The following GPR158 variants were observed in gnomAD, a reference collection of about 807,000 sequenced individuals.
GPR158 encodes metabotropic glycine receptor.
GPR158 carries 30 observed loss-of-function variants against 78.2 expected under a neutral mutation model. That is an observed-to-expected ratio of 0.38 (90% CI 0.29 to 0.52). The LOEUF (loss-of-function observed/expected upper bound fraction) is 0.52, where lower values mean the gene tolerates loss of function less well. Ranked by LOEUF, GPR158 falls within the 20% of genes least tolerant of loss-of-function variation. GPR158 has a pLI of 0.83. For synonymous variants in GPR158, 581 were observed against 591.1 expected, an observed-to-expected ratio of 0.98 and a Z score of 0.25; for missense variants, 1,463 against 1,523.5, an observed-to-expected ratio of 0.96 and a Z score of 0.66.
At chr10:25,285,528 T>TG (rs375803835) in intron 2 of GPR158, among the ~76,000 whole-genome samples, 2 of 152,292 alleles carry the variant, frequency 1.3e-5, no homozygotes, top group African/African-American at 4.8e-5. Context: ...GTCAAAAGCC[T>TG]GGGGAACTTG....
chr10:25,237,615 G>A (rs557152798), intron 2 of GPR158, among the ~76,000 whole-genome samples: 215 of 152,120 alleles, frequency 1.4e-3, no homozygotes, highest in Non-Finnish European at 2.2e-3. Flanking sequence ...ATTGACTAGT[G>A]ATTATTCTCA....
intron 2 of GPR158, among the ~76,000 whole-genome samples, chr10:25,374,843 A>G (rs1211561159): frequency 6.6e-6 from 1 of 151,752 alleles, no homozygotes; most frequent in African/African-American, 2.4e-5. Context: ...CTTAAAAATA[A>G]AGCCAAACAC....
At chr10:25,356,605 G>A (rs1429825101) in intron 2 of GPR158, among the ~76,000 whole-genome samples, 9 of 151,822 alleles carry the variant, frequency 5.9e-5, no homozygotes, top group Non-Finnish European at 1.0e-4. Flanking sequence ...TTTAAAAATG[G>A]GAGTTTCCCT....
At chr10:25,201,382 T>G (rs1054042510) in intron 1 of GPR158, among the ~76,000 whole-genome samples, 8 of 152,186 alleles carry the variant, frequency 5.3e-5, no homozygotes, top group Non-Finnish European at 8.8e-5. Flanking sequence ...TGTTTCTCAG[T>G]TCTAGGAGCT....
At chr10:25,590,489 C>T (rs552994781) in intron 8 of GPR158, among the ~76,000 whole-genome samples, 1 of 152,290 alleles carries the variant, frequency 6.6e-6, no homozygotes, top group South Asian at 2.1e-4. Context: ...ATATCTTGAG[C>T]ACCATAGAAT....
intron 2 of GPR158, among the ~76,000 whole-genome samples, chr10:25,363,092 A>T (rs567337058): frequency 6.6e-6 from 1 of 151,594 alleles, no homozygotes; most frequent in East Asian, 2.0e-4. Flanking sequence ...ATCAAGAATC[A>T]ATCTGTGATT....
intron 4 of GPR158, among the ~76,000 whole-genome samples, chr10:25,456,907 T>C (rs1835298302): frequency 6.6e-6 from 1 of 152,132 alleles, no homozygotes. Context: ...AGAGTTTAAT[T>C]ATTAAGATTT....
At chr10:25,351,084 G>A (rs910617152) in intron 2 of GPR158, among the ~76,000 whole-genome samples, 7 of 152,076 alleles carry the variant, frequency 4.6e-5, no homozygotes, top group African/African-American at 1.7e-4. Flanking sequence ...CACCTATACA[G>A]CCTGTGAGCC....
intron 5 of GPR158, among the ~76,000 whole-genome samples, chr10:25,529,346 C>T (rs896149650): frequency 5.9e-5 from 9 of 152,050 alleles, no homozygotes; most frequent in African/African-American, 1.9e-4. Flanking sequence ...GAGATTGCAC[C>T]ATTGCACTCC....
chr10:25,208,352 G>A (rs189840365), intron 1 of GPR158, among the ~76,000 whole-genome samples: 3 of 152,112 alleles, frequency 2.0e-5, no homozygotes, highest in Non-Finnish European at 2.9e-5. Context: ...TACCTACAGC[G>A]TTATAATTGA....
intron 3 of GPR158, 72 bp downstream of exon 3, chr10:25,396,085 T>C (rs1834359489): frequency 1.5e-6 from 1 of 680,050 alleles, no homozygotes; most frequent in Non-Finnish European, 2.5e-6. Context: ...AGATTTTCTT[T>C]TATCCTTGTT....
chr10:25,479,825 CTGTTA>C (rs1564467034), intron 5 of GPR158, among the ~76,000 whole-genome samples: 1 of 151,650 alleles, frequency 6.6e-6, no homozygotes, highest in Non-Finnish European at 1.5e-5. Context: ...TTATTTTTTT[CTGTTA>C]TATTTCTCCT....
intron 2 of GPR158, among the ~76,000 whole-genome samples, chr10:25,362,945 C>T (rs1253845619): frequency 6.6e-6 from 1 of 151,754 alleles, no homozygotes; most frequent in Non-Finnish European, 1.5e-5. Context: ...TATGGTATAT[C>T]TCTTTCTGTC....
rs186469322 is a variant in GPR158, at chr10:25,366,929, C to T, written c.1009-28982C>T. On this transcript the variant is annotated intron_variant, in intron 2 of 10. Coordinates refer to ENST00000376351, the MANE Select transcript of GPR158 (RefSeq NM_020752.3). Reference sequence around the variant, plus strand: ...CATGTCTATCTTTTTCTTATTCAGACGGAAGAGTTCTTTTATATTGTAGCT... The same window carrying T: ...CATGTCTATCTTTTTCTTATTCAGATGGAAGAGTTCTTTTATATTGTAGCT... Among the ~76,000 whole-genome samples, 36 of 151,726 alleles carry T rather than the reference C, an allele frequency of 2.4e-4. No homozygotes were observed. In the East Asian group the frequency reaches 2.5e-3, roughly 11 times the overall value.
chr10:25,285,033 AT>A (rs956973003), intron 2 of GPR158, among the ~76,000 whole-genome samples: 1 of 150,616 alleles, frequency 6.6e-6, no homozygotes, highest in African/African-American at 2.4e-5. Flanking sequence ...AATTCTGTAT[AT>A]TTTTCCCTTA....
At position 25,461,733 on chromosome 10, in the gene GPR158, CTTTTTT is replaced by C. The variant is rs35604549; in HGVS notation, c.1336-4906_1336-4901del. ...GGAAGAAGATGCCATCTAGGACTTTCTTTTTTTTTTTTTTTTTGAGATGGAGTCTTG... is the reference window on the plus strand; with the variant it reads ...GGAAGAAGATGCCATCTAGGACTTTCTTTTTTTTTTTGAGATGGAGTCTTG... On this transcript the variant is annotated intron_variant, in intron 4 of 10. Coordinates refer to ENST00000376351, the MANE Select transcript of GPR158 (RefSeq NM_020752.3). Among the ~76,000 whole-genome samples the C allele has an allele frequency of 3.5e-4, 47 of 132,504 alleles. No individual in the cohort carries two copies. In the East Asian group the frequency reaches 4.0e-3, roughly 11 times the overall value. The allele number at this position is 132,504 out of a possible 152,430, so 86.9% of individuals were successfully genotyped here.
At chr10:25,377,063 C>T (rs1355301222) in intron 2 of GPR158, among the ~76,000 whole-genome samples, 2 of 151,736 alleles carry the variant, frequency 1.3e-5, no homozygotes, top group African/African-American at 4.8e-5. Flanking sequence ...CTCTTCAATA[C>T]AAGCTTAATG....
At chr10:25,290,192 C>T (rs1338890542) in intron 2 of GPR158, among the ~76,000 whole-genome samples, 2 of 152,140 alleles carry the variant, frequency 1.3e-5, no homozygotes, top group Non-Finnish European at 2.9e-5. Context: ...AAATGTGGCT[C>T]TTTTTATCGG....
At chr10:25,315,188 T>G (rs138999594) in intron 2 of GPR158, among the ~76,000 whole-genome samples, 49 of 152,176 alleles carry the variant, frequency 3.2e-4, no homozygotes, top group African/African-American at 1.1e-3. Context: ...TTTCTTTACT[T>G]TGTTTTACTC....
Sources: gnomAD v4.1 joint callset for allele counts (sites outside exome capture counted in the v4.1 genomes callset) on GRCh38, gnomAD v4.1.1 for gene constraint, MANE v1.5 for transcripts, NCBI Gene and HGNC (gene_info 2026-07-23, HGNC 2026-07-21) for gene names.